TRIOBP: variants seen among roughly 807,000 people sequenced by gnomAD.
TRIOBP encodes the protein TRIO and F-actin-binding protein.
Under a neutral mutation model 238.8 loss-of-function variants are expected in TRIOBP, and 169 were observed. That is an observed-to-expected ratio of 0.71 (90% CI 0.62 to 0.80). TRIOBP has a LOEUF of 0.80. TRIOBP is among the 30% of genes least tolerant of loss of function. The pLI, the probability that TRIOBP is intolerant of heterozygous loss-of-function variation, is 0.00. For synonymous variants in TRIOBP, 1,150 were observed against 1,274.4 expected (o/e 0.90, Z 2.08); for missense variants, 2,838 against 3,122.6 (o/e 0.91, Z 2.17).
rs1416953290 is a variant in TRIOBP, at chr22:37,775,243, A to G, written c.*1463A>G. The G allele has an allele frequency of 6.6e-6, 1 of 152,186 alleles. No homozygotes were observed. Among genetic ancestry groups the G allele is most frequent in the Non-Finnish European group, 1.5e-5 (1 of 68,034 alleles). 9.4% of individuals were successfully genotyped at this position (152,186 alleles called of 1,614,324 possible). On this transcript the variant is annotated 3_prime_UTR_variant, in exon 24 of 24. Transcript: ENST00000644935. ...CAGCTTTGAAAGATGACTCTTCCAG[A>G]TGGAAGAATCAGGAAGGGCCTTCCC... is the stretch of plus-strand genomic sequence containing the variant.
chr22:37,723,312 T>A lies in TRIOBP; in HGVS notation c.756T>A (p.Pro252=). 6.2e-7 allele frequency: 1 copy of A among 1,614,068 alleles called. No individual in the cohort carries two copies. Among genetic ancestry groups the A allele is most frequent in the Non-Finnish European group, 8.5e-7 (1 of 1,179,974 alleles). The change falls in exon 7 of 24, where the codon CCT becomes CCA. Residue 252 remains proline, a synonymous_variant. Transcript: ENST00000644935. ...QASSMTPHSG[P]RSTTSQASPA... is the part of the protein sequence containing the mutation. ...CCTCCATGACACCACACAGTGGACC[T>A]CGAAGCACCACGTCTCAGGCTTCTC... is the stretch of plus-strand genomic sequence containing the variant.
chr22:37,743,908 G>A (rs1412043458), intron 11 of TRIOBP, among the ~76,000 whole-genome samples: 4 of 147,314 alleles, frequency 2.7e-5, no homozygotes, highest in African/African-American at 1.0e-4. Context: ...CAGAAGACAG[G>A]AAGAGAAGTG....
intron 3 of TRIOBP, among the ~76,000 whole-genome samples, chr22:37,709,582 C>G (rs909609187): frequency 6.6e-6 from 1 of 152,208 alleles, no homozygotes; most frequent in Non-Finnish European, 1.5e-5. Context: ...GAGCCCGCAG[C>G]CCAGGTAATC....
intron 11 of TRIOBP, chr22:37,750,522 C>A: frequency 2.5e-6 from 1 of 402,360 alleles, no homozygotes. Context: ...AGCTTGGGAT[C>A]GCCCTGGGCA....
chr22:37,703,081 C>T (rs968479147), intron 3 of TRIOBP, among the ~76,000 whole-genome samples: 2 of 151,824 alleles, frequency 1.3e-5, no homozygotes, highest in Non-Finnish European at 2.9e-5. Context: ...CTGCAACCTC[C>T]GTCTCCTGGG....
intron 5 of TRIOBP, among the ~76,000 whole-genome samples, chr22:37,715,399 G>A (rs550595721): frequency 6.6e-6 from 1 of 151,810 alleles, no homozygotes; most frequent in African/African-American, 2.4e-5. Flanking sequence ...CTGGAGCTCA[G>A]TGGCGCGATC....
intron 7 of TRIOBP, among the ~76,000 whole-genome samples, chr22:37,727,166 C>T (rs1444093110): frequency 6.6e-6 from 1 of 151,158 alleles, no homozygotes. Context: ...GCCTCGGCCT[C>T]GCAAAGTGCT....
In TRIOBP at chr22:37,713,423, G is replaced by A; in HGVS notation, c.456+12G>A. On this transcript the variant is annotated intron_variant, in intron 5 of 23. Transcript: ENST00000644935. ...ACTCGTCCTCTGTGGTGAGCCAGGA[G>A]TGGGAGTTTGGGGGACAAGAGTGGC... is the stretch of plus-strand genomic sequence containing the variant. The A allele has an allele frequency of 6.2e-7, 1 of 1,611,466 alleles. No homozygotes were observed. The highest frequency in any genetic ancestry group is 8.5e-7 in the Non-Finnish European group (1 of 1,179,964).
chr22:37,734,317 T>C, intron 8 of TRIOBP, 82 bp from the exon 9 acceptor site: 1 of 1,318,952 alleles, frequency 7.6e-7, no homozygotes, highest in South Asian at 1.2e-5. Flanking sequence ...CAGCCTTGAC[T>C]CTCTGGGGGC....
intron 16 of TRIOBP, among the ~76,000 whole-genome samples, chr22:37,758,634 C>T (rs1190273654): frequency 6.6e-6 from 1 of 151,956 alleles, no homozygotes; most frequent in Non-Finnish European, 1.5e-5. Context: ...CAAGATCAAG[C>T]CACTGCACTC....
At chr22:37,742,443 A>C (rs998284157) in intron 11 of TRIOBP, among the ~76,000 whole-genome samples, 1 of 151,694 alleles carries the variant, frequency 6.6e-6, no homozygotes, top group Non-Finnish European at 1.5e-5. Flanking sequence ...TTATATTTTT[A>C]GTAGAGATGG....
intron 21 of TRIOBP, among the ~76,000 whole-genome samples, chr22:37,771,282 C>T (rs1926761307): frequency 6.6e-6 from 1 of 152,124 alleles, no homozygotes; most frequent in Admixed American, 6.6e-5. Context: ...GCACCTAGCC[C>T]TCGGGGTTGG....
intron 22 of TRIOBP, among the ~76,000 whole-genome samples, 191 bp from the exon 23 acceptor site, chr22:37,772,410 C>G (rs1348758498): frequency 6.6e-6 from 1 of 152,122 alleles, no homozygotes; most frequent in East Asian, 1.9e-4. Context: ...GACAATGACG[C>G]CTGTGTCCCT....
At chr22:37,717,647 A>T (rs1191801386) in intron 6 of TRIOBP, among the ~76,000 whole-genome samples, 1 of 152,240 alleles carries the variant, frequency 6.6e-6, no homozygotes, top group Non-Finnish European at 1.5e-5. Context: ...TGAGCTAGAC[A>T]CAGGGTGCTG....
rs36003951 is a variant in TRIOBP at position 37,732,509 on chromosome 22, C to CAAAAAAA, written c.3948-775_3948-769dup. Among the ~76,000 whole-genome samples, 5 of 99,852 alleles carry CAAAAAAA rather than the reference C, an allele frequency of 5.0e-5. 1 individual carries two copies. The highest frequency in any genetic ancestry group is 4.0e-5 in the African/African-American group (1 of 25,286). The allele number at this position is 99,852 out of a possible 152,430, so 65.5% of individuals were successfully genotyped here. On this transcript the variant is annotated intron_variant, in intron 7 of 23. Transcript: ENST00000644935. ...TGGGTGACAGAGCGAGACTCCATCTCAAAAAAAAAAAAAAAAAAAAGACAC... is the reference window on the plus strand; with the variant it reads ...TGGGTGACAGAGCGAGACTCCATCTCAAAAAAAAAAAAAAAAAAAAAAAAAAAGACAC...
intron 2 of TRIOBP, among the ~76,000 whole-genome samples, chr22:37,699,124 T>C (rs767741815): frequency 1.3e-5 from 2 of 152,138 alleles, no homozygotes; most frequent in Non-Finnish European, 2.9e-5. Context: ...CACTCCAGCC[T>C]AGGTGACAGA....
intron 9 of TRIOBP, among the ~76,000 whole-genome samples, chr22:37,736,425 G>C (rs1200660250): frequency 6.6e-6 from 1 of 152,118 alleles, no homozygotes; most frequent in East Asian, 1.9e-4. Context: ...AGGATGAGCA[G>C]GGCTTCCAGG....
At chr22:37,749,980 C>T (rs1449894583) in intron 11 of TRIOBP, among the ~76,000 whole-genome samples, 2 of 152,070 alleles carry the variant, frequency 1.3e-5, no homozygotes, top group African/African-American at 4.8e-5. Flanking sequence ...AATTGGTGAC[C>T]TTCTATCCCC....
At chr22:37,765,366 A>G (rs1374485304) in intron 17 of TRIOBP, among the ~76,000 whole-genome samples, 1 of 152,182 alleles carries the variant, frequency 6.6e-6, no homozygotes, top group Non-Finnish European at 1.5e-5. Flanking sequence ...CTGCAACCGT[A>G]ACTGTGAGAT....
Sources: allele counts gnomAD v4.1 joint callset (sites outside exome capture counted in the v4.1 genomes callset), GRCh38; gene constraint gnomAD v4.1.1; transcripts MANE v1.5; gene names NCBI Gene and HGNC (gene_info 2026-07-23, HGNC 2026-07-21).